Variants in GPATCH2 observed in about 807,000 individuals in gnomAD.
GPATCH2 encodes the protein G-patch domain containing 2.
A neutral mutation model predicts 58.0 loss-of-function variants in GPATCH2; 51 were observed. That is an observed-to-expected ratio of 0.88 (90% CI 0.70 to 1.11). The LOEUF is 1.11. GPATCH2 is among the 50% of genes most tolerant of loss of function. GPATCH2 has a pLI of 0.00. For missense variants in GPATCH2, 625 were observed against 652.2 expected, an observed-to-expected ratio of 0.96 and a Z score of 0.45; for synonymous variants, 222 against 218.5, an observed-to-expected ratio of 1.02 and a Z score of -0.14.
chr1:217,448,342 G>A (rs1228133577), intron 9 of GPATCH2, among the ~76,000 whole-genome samples: 1 of 152,110 alleles, frequency 6.6e-6, no homozygotes, highest in Non-Finnish European at 1.5e-5. Context: ...AAAGATCCCA[G>A]ACAATAGGTC....
chr1:217,595,099 T>C (rs1476873145), intron 5 of GPATCH2, among the ~76,000 whole-genome samples: 1 of 152,220 alleles, frequency 6.6e-6, no homozygotes, highest in Admixed American at 6.5e-5. Context: ...ATTCCAAAAG[T>C]TGAGCAAGCA....
intron 8 of GPATCH2, among the ~76,000 whole-genome samples, chr1:217,473,242 T>TA (rs1023018978): frequency 6.6e-5 from 10 of 151,892 alleles, no homozygotes; most frequent in Middle Eastern, 3.2e-3. Flanking sequence ...TATTTCTGTC[T>TA]AAAAAACACT....
chr1:217,558,653 T>A (rs529875226), intron 5 of GPATCH2, among the ~76,000 whole-genome samples: 1 of 152,170 alleles, frequency 6.6e-6, no homozygotes, highest in South Asian at 2.1e-4. Context: ...GTGGTCATCA[T>A]TAAAACAAAA....
chr1:217,596,177 C>T (rs1667819551), intron 5 of GPATCH2, among the ~76,000 whole-genome samples: 1 of 151,994 alleles, frequency 6.6e-6, no homozygotes, highest in Admixed American at 6.6e-5. Context: ...ACTTACAGTT[C>T]AAAAGATTTA....
intron 8 of GPATCH2, among the ~76,000 whole-genome samples, chr1:217,461,211 TCAGA>T (rs1232843290): frequency 6.6e-6 from 1 of 152,186 alleles, no homozygotes; most frequent in Non-Finnish European, 1.5e-5. Flanking sequence ...TTGAAATATG[TCAGA>T]CAGTGTTACC....
chr1:217,603,179 A>C (rs924473457), intron 5 of GPATCH2, among the ~76,000 whole-genome samples: 5 of 152,176 alleles, frequency 3.3e-5, no homozygotes, highest in African/African-American at 4.8e-5. Context: ...TTTCTGAAGC[A>C]TCACAAACCC....
chr1:217,597,142 T>C (rs1667872281), intron 5 of GPATCH2, among the ~76,000 whole-genome samples: 1 of 150,424 alleles, frequency 6.6e-6, no homozygotes, highest in Admixed American at 6.6e-5. Flanking sequence ...ATGGACAACA[T>C]AGCAAGACCC....
intron 8 of GPATCH2, among the ~76,000 whole-genome samples, chr1:217,476,014 T>A (rs1055569451): frequency 1.3e-5 from 2 of 151,852 alleles, no homozygotes; most frequent in African/African-American, 4.8e-5. Context: ...CCAAGAGAGA[T>A]GCCACCAAGA....
chr1:217,540,535 T>C (rs1239981452), intron 5 of GPATCH2, among the ~76,000 whole-genome samples: 1 of 152,222 alleles, frequency 6.6e-6, no homozygotes, highest in Non-Finnish European at 1.5e-5. Context: ...TTTAGTAACA[T>C]AGCAGTGATT....
intron 1 of GPATCH2, among the ~76,000 whole-genome samples, chr1:217,626,092 C>T (rs371312734): frequency 4.9e-4 from 74 of 152,216 alleles, no homozygotes; most frequent in South Asian, 2.5e-3. Context: ...GGGTAAAACT[C>T]TCATCTTTAC....
At chr1:217,472,512 C>T (rs1490188541) in intron 8 of GPATCH2, among the ~76,000 whole-genome samples, 1 of 152,032 alleles carries the variant, frequency 6.6e-6, no homozygotes, top group African/African-American at 2.4e-5. Flanking sequence ...CTGTGTTAGC[C>T]AAGATGGTCT....
intron 8 of GPATCH2, among the ~76,000 whole-genome samples, chr1:217,475,057 G>C (rs896831489): frequency 2.6e-5 from 4 of 152,070 alleles, no homozygotes; most frequent in Non-Finnish European, 4.4e-5. Flanking sequence ...AAGTTGCCCT[G>C]TGCCTAACAT....
rs1183190150 is a variant in GPATCH2, at chr1:217,547,080, C to CA, written c.1099-32192dup. Reference sequence around the variant, plus strand: ...ACCAGTCAGAACAGCTATAAGAAGTCAAGCCAGGCGTGGTGGCTCACACCT... The same window carrying CA: ...ACCAGTCAGAACAGCTATAAGAAGTCAAAGCCAGGCGTGGTGGCTCACACCT... On this transcript the variant is annotated intron_variant, in intron 5 of 9. Transcript: ENST00000366935. Among the ~76,000 whole-genome samples, 15 of 152,196 alleles carry CA rather than the reference C, an allele frequency of 9.9e-5. No homozygotes were observed. In the South Asian group the frequency reaches 3.1e-3, roughly 32 times the overall value.
At chr1:217,628,658 T>A (rs1669575979) in intron 1 of GPATCH2, among the ~76,000 whole-genome samples, 1 of 151,056 alleles carries the variant, frequency 6.6e-6, no homozygotes, top group Non-Finnish European at 1.5e-5. Flanking sequence ...TGGCTTTTTT[T>A]TAAGCAAAGC....
At chr1:217,494,092 T>A (rs988262970) in intron 7 of GPATCH2, among the ~76,000 whole-genome samples, 2 of 152,220 alleles carry the variant, frequency 1.3e-5, no homozygotes, top group Non-Finnish European at 2.9e-5. Context: ...TTAAATGAGA[T>A]AGCACCCTCT....
At chr1:217,524,439 C>T (rs1663704444) in intron 5 of GPATCH2, among the ~76,000 whole-genome samples, 1 of 151,628 alleles carries the variant, frequency 6.6e-6, no homozygotes, top group Non-Finnish European at 1.5e-5. Flanking sequence ...CAGAGACGCT[C>T]CTCACTTCCC....
At chr1:217,613,945 CAATT>C (rs1303283467) in intron 3 of GPATCH2, among the ~76,000 whole-genome samples, 192 bp downstream of exon 3, 22 of 152,204 alleles carry the variant, frequency 1.4e-4, no homozygotes, top group African/African-American at 5.3e-4. Context: ...TGGAGATAAT[CAATT>C]ACTTAGGTCA....
chr1:217,484,149 G>A (rs1661340781), intron 8 of GPATCH2, among the ~76,000 whole-genome samples: 1 of 152,106 alleles, frequency 6.6e-6, no homozygotes, highest in African/African-American at 2.4e-5. Context: ...GTCTGTGAGG[G>A]TGTTTCCAGA....
intron 8 of GPATCH2, among the ~76,000 whole-genome samples, chr1:217,450,300 T>C (rs1457405433): frequency 6.6e-6 from 1 of 152,012 alleles, no homozygotes; most frequent in Non-Finnish European, 1.5e-5. Flanking sequence ...CTTGAGGTTT[T>C]AAAGAAACTA....
Sources: gnomAD v4.1 joint callset for allele counts (sites outside exome capture counted in the v4.1 genomes callset) on GRCh38, gnomAD v4.1.1 for gene constraint, MANE v1.5 for transcripts, NCBI Gene and HGNC (gene_info 2026-07-23, HGNC 2026-07-21) for gene names.